Variants in NUDT18 observed in about 807,000 individuals in gnomAD.
NUDT18 encodes 8-oxo-dGDP phosphatase NUDT18.
Under a neutral mutation model 27.6 loss-of-function variants are expected in NUDT18, and 26 were observed. The ratio of observed to expected loss-of-function variants is 0.94; its 90% confidence interval spans 0.69 to 1.31. The LOEUF (loss-of-function observed/expected upper bound fraction) is 1.31, where lower values mean the gene tolerates loss of function less well. Among genes scored for constraint, NUDT18 ranks in the 50% most tolerant of loss-of-function variants. The pLI, the probability that NUDT18 is intolerant of heterozygous loss-of-function variation, is 0.00. For synonymous variants in NUDT18, 220 were observed against 196.9 expected, an observed-to-expected ratio of 1.12 and a Z score of -0.98; for missense variants, 450 against 433.4, an observed-to-expected ratio of 1.04 and a Z score of -0.34.
At position 22,107,597 on chromosome 8, in the gene NUDT18, C is replaced by T; in HGVS notation, c.675G>A (p.Glu225=). Reference sequence around the variant, plus strand: ...CGGCCATCTTCATGCCACCCCTCTGCTCCATAGGGTCGAGGCCACAGGCAG... The same window carrying T: ...CGGCCATCTTCATGCCACCCCTCTGTTCCATAGGGTCGAGGCCACAGGCAG... ...PVTACGLDPM[E]QRGGMKMAVL... The change falls in exon 3 of 3, where the codon GAG becomes GAA. Residue 225 remains glutamate, a synonymous_variant. Coordinates refer to ENST00000611621, the MANE Select transcript of NUDT18 (RefSeq NM_024815.4). The T allele has an allele frequency of 6.2e-7, 1 of 1,613,296 alleles. No homozygotes were observed. The highest frequency in any genetic ancestry group is 8.5e-7 in the Non-Finnish European group (1 of 1,179,890).
chr8:22,108,357 A>G lies in NUDT18; in HGVS notation c.163-11T>C. The G allele has an allele frequency of 8.4e-6, 13 of 1,556,578 alleles. No homozygotes were observed. The highest frequency in any genetic ancestry group is 2.4e-5 in the South Asian group (2 of 84,122). On this transcript the variant is annotated splice_polypyrimidine_tract_variant and intron_variant, in intron 1 of 2. Coordinates refer to ENST00000611621, the MANE Select transcript of NUDT18 (RefSeq NM_024815.4). ...CAGTAGCACCTCATCCTGAGAGGAGAGAGGATCCTCACTTCCTGCCACAGC... is the reference window on the plus strand; with the variant it reads ...CAGTAGCACCTCATCCTGAGAGGAGGGAGGATCCTCACTTCCTGCCACAGC...
chr8:22,107,992 C>A (rs1247534507), intron 2 of NUDT18, 97 bp from the exon 3 acceptor site: 2 of 1,355,378 alleles, frequency 1.5e-6, no homozygotes, highest in Non-Finnish European at 2.0e-6. Context: ...GGAGAGAGGC[C>A]CCCAGCCCAA....
Position 22,107,423 on chromosome 8 carries a change from G to C in NUDT18, c.849C>G (p.Ile283Met). The change falls in exon 3 of 3, where the codon ATC (isoleucine) becomes ATG (methionine). Residue 283 changes from isoleucine (I) to methionine (M), a missense_variant. By Grantham distance (10) the Ile-to-Met change is conservative. Coordinates refer to ENST00000611621, the MANE Select transcript of NUDT18 (RefSeq NM_024815.4). ...LVTVAFRSPG[I>M]QDEPPKVRGE... ...CCCGAACTTTTGGGGGTTCATCCTG[G>C]ATCCCTGGGCTCCGAAAAGCCACGG... 6.2e-7 allele frequency: 1 copy of C among 1,613,340 alleles called. No homozygotes were observed. Among genetic ancestry groups the C allele is most frequent in the Non-Finnish European group, 8.5e-7 (1 of 1,179,852 alleles).
Position 22,107,775 on chromosome 8 carries a change from G to T in NUDT18, c.497C>A (p.Ala166Asp). The T allele has an allele frequency of 6.2e-7, 1 of 1,613,562 alleles. No homozygotes were observed. The highest frequency in any genetic ancestry group is 8.5e-7 in the Non-Finnish European group (1 of 1,179,872). The change falls in exon 3 of 3, where the codon GCC (alanine) becomes GAC (aspartate). Residue 166 changes from alanine (A) to aspartate (D), a missense_variant. Ala to Asp is a moderately radical substitution (Grantham distance 126). Transcript: ENST00000611621. ...CCTGGCTTGCTGGCGATACTGGGCG[G>T]CTAGTTCAACCAGGTGCAGGATGTC... is the stretch of plus-strand genomic sequence containing the variant. ...AHDILHLVEL[A>D]AQYRQQARHP...
At position 22,109,216 on chromosome 8, in the gene NUDT18, C is replaced by A. The variant is rs1270744584; in HGVS notation, c.85G>T (p.Ala29Ser). 20 of 1,441,202 alleles carry A rather than the reference C, an allele frequency of 1.4e-5. No homozygotes were observed. The highest frequency in any genetic ancestry group is 9.0e-7 in the Non-Finnish European group (1 of 1,107,074). 89.3% of individuals were successfully genotyped at this position (1,441,202 alleles called of 1,614,324 possible). A position where few individuals can be genotyped will look rare whatever the true frequency, so the allele number is the denominator to read the frequency against. The change falls in exon 1 of 3, where the codon GCC becomes TCC. Residue 29 changes from alanine to serine, a missense_variant. Transcript: ENST00000611621. The part of the protein sequence containing the change: ...SSVHSCDSAP[A>S]GEPPAPVRLR... ...CGCACGGGCGCCGGCGGCTCCCCGG[C>A]CGGCGCCGAGTCGCAGCTGTGCACG...
At chr8:22,109,431 G>C, upstream of NUDT18, 1 of 839,656 alleles carries the variant, frequency 1.2e-6, no homozygotes, top group Non-Finnish European at 1.7e-6. Flanking sequence ...ACGCGGAAGC[G>C]CACGCGAACG....
rs754510986 is a variant in NUDT18 at position 22,107,545 on chromosome 8, T to C, written c.727A>G (p.Thr243Ala). Residue 243 changes from threonine (T) to alanine (A), a missense_variant, in exon 3 of 3, where the codon ACC becomes GCC. Transcript: ENST00000611621. ...AVLRLLQECL[T>A]LHHLVVEIKG... ...ATCTCCACCACCAAGTGGTGCAGGG[T>C]CAGACACTCCTGCAGCAGCCGCAGG... The C allele has an allele frequency of 1.2e-6, 2 of 1,612,758 alleles. No individual in the cohort carries two copies. The highest frequency in any genetic ancestry group is 1.7e-5 in the Admixed American group (1 of 59,986).
At chr8:22,108,594 G>T (rs1826409591) in intron 1 of NUDT18, among the ~76,000 whole-genome samples, 1 of 152,234 alleles carries the variant, frequency 6.6e-6, no homozygotes, top group African/African-American at 2.4e-5. Context: ...CGCTTCAGGG[G>T]CTGGAGATGA....
upstream of NUDT18, chr8:22,109,639 A>G: frequency 2.1e-6 from 1 of 476,392 alleles, no homozygotes; most frequent in Non-Finnish European, 4.1e-6. Flanking sequence ...GACGTCTCCC[A>G]GCCGCCACCC....
Position 22,109,190 on chromosome 8 carries a change from C to T in NUDT18, c.111G>A (p.Arg37=), listed in dbSNP as rs1415238261. 4 of 1,452,140 alleles carry T rather than the reference C, an allele frequency of 2.8e-6. No homozygotes were observed. The African/African-American group carries it at 6.0e-5, about 22-fold the overall frequency. The allele number at this position is 1,452,140 out of a possible 1,614,324, so 90.0% of individuals were successfully genotyped here. A position where few individuals can be genotyped will look rare whatever the true frequency, so the allele number is the denominator to read the frequency against. The change falls in exon 1 of 3, where the codon CGG becomes CGA. Residue 37 remains arginine, a synonymous_variant. Coordinates refer to ENST00000611621, the MANE Select transcript of NUDT18 (RefSeq NM_024815.4). ...CCACGTAGCACACGTTCTTCCGCAGCCGCACGGGCGCCGGCGGCTCCCCGG... is the reference window on the plus strand; with the variant it reads ...CCACGTAGCACACGTTCTTCCGCAGTCGCACGGGCGCCGGCGGCTCCCCGG... The part of the protein sequence containing the change: ...APAGEPPAPV[R]LRKNVCYVVL...
intron 1 of NUDT18, among the ~76,000 whole-genome samples, chr8:22,108,880 C>T (rs1041574561): frequency 6.6e-6 from 1 of 152,204 alleles, no homozygotes; most frequent in Non-Finnish European, 1.5e-5. Flanking sequence ...TCTGAGGGGC[C>T]CTGGGCACTC....
At position 22,109,381 on chromosome 8, in the gene NUDT18, G is replaced by GCTCCCAGTCCCTGCGGAGCCCA; in HGVS notation, c.-82_-81insTGGGCTCCGCAGGGACTGGGAG. ...CGGGCTAGAGTGCGCTGCGGAGCCC[G>GCTCCCAGTCCCTGCGGAGCCCA]CTCCCAGTCCCTGCGGCAGCGGGCC... On this transcript the variant is annotated 5_prime_UTR_variant, in exon 1 of 3. Transcript: ENST00000611621. 1 of 1,295,286 alleles carries GCTCCCAGTCCCTGCGGAGCCCA rather than the reference G, an allele frequency of 7.7e-7. No homozygotes were observed. 80.2% of individuals were successfully genotyped at this position (1,295,286 alleles called of 1,614,324 possible). A position where few individuals can be genotyped will look rare whatever the true frequency, so the allele number is the denominator to read the frequency against.
Position 22,109,292 on chromosome 8 carries a change from C to T in NUDT18, c.9G>A (p.Ser3=). 1.5e-6 allele frequency: 2 copies of T among 1,367,966 alleles called. No individual in the cohort carries two copies. Among genetic ancestry groups the T allele is most frequent in the Non-Finnish European group, 1.9e-6 (2 of 1,067,832 alleles). The allele number at this position is 1,367,966 out of a possible 1,614,324, so 84.7% of individuals were successfully genotyped here. A position where few individuals can be genotyped will look rare whatever the true frequency, so the allele number is the denominator to read the frequency against. Reference sequence around the variant, plus strand: ...AAGCCAGCGCCCCCGCCAGGCCCTCCGAGGCCATCGGGTCCCCCGGGGGGC... The same window carrying T: ...AAGCCAGCGCCCCCGCCAGGCCCTCTGAGGCCATCGGGTCCCCCGGGGGGC... The part of the protein sequence containing the change: MA[S]EGLAGALASV... Residue 3 remains serine (S), a synonymous_variant, in exon 1 of 3, where the codon TCG becomes TCA. Transcript: ENST00000611621.
At chr8:22,110,095 C>T (rs2131743098), upstream of NUDT18, among the ~76,000 whole-genome samples, 2 of 152,262 alleles carry the variant, frequency 1.3e-5, no homozygotes, top group East Asian at 3.9e-4. Context: ...GGGTCCGGGG[C>T]TGAGAGAAGG....
intron 2 of NUDT18, 69 bp from the exon 3 acceptor site, chr8:22,107,964 A>G (rs1038631524): frequency 1.4e-6 from 2 of 1,407,176 alleles, no homozygotes; most frequent in Non-Finnish European, 9.5e-7. Flanking sequence ...GGCAGAGTCA[A>G]CAGACATCCC....
rs1239129611 is a variant in NUDT18, at chr8:22,107,034, T to G, written c.*266A>C. On this transcript the variant is annotated 3_prime_UTR_variant, in exon 3 of 3. Coordinates refer to ENST00000611621, the MANE Select transcript of NUDT18 (RefSeq NM_024815.4). ...AGATGCCACTGGGGGTGCAGAAAGC[T>G]CCCCATCCCCCTGGGAAGAGGCGTC... is the stretch of plus-strand genomic sequence containing the variant. 1.2e-5 allele frequency: 5 copies of G among 433,762 alleles called. No homozygotes were observed. The highest frequency in any genetic ancestry group is 8.1e-5 in the Admixed American group (2 of 24,668). 26.9% of individuals were successfully genotyped at this position (433,762 alleles called of 1,614,324 possible). A position where few individuals can be genotyped will look rare whatever the true frequency, so the allele number is the denominator to read the frequency against.
rs1826422468 is a variant in NUDT18 at position 22,109,224 on chromosome 8, G to T, written c.77C>A (p.Ser26Ter). 10 of 1,440,706 alleles carry T rather than the reference G, an allele frequency of 6.9e-6. No homozygotes were observed. The highest frequency in any genetic ancestry group is 4.1e-5 in the South Asian group (3 of 72,938). 89.2% of individuals were successfully genotyped at this position (1,440,706 alleles called of 1,614,324 possible). A position where few individuals can be genotyped will look rare whatever the true frequency, so the allele number is the denominator to read the frequency against. Residue 26 changes from serine (S) to a stop codon, truncating the protein, a stop_gained, in exon 1 of 3, where the codon TCG (serine) becomes TAG (stop). Coordinates refer to ENST00000611621, the MANE Select transcript of NUDT18 (RefSeq NM_024815.4). LOFTEE classifies it high-confidence loss of function. ...CGCCGGCGGCTCCCCGGCCGGCGCC[G>T]AGTCGCAGCTGTGCACGCTGGACCC... is the stretch of plus-strand genomic sequence containing the variant. ...GQGSSVHSCD[S>*]APAGEPPAPV...
In NUDT18 at chr8:22,107,000, G is replaced by A. The variant is rs1482586622; in HGVS notation, c.*300C>T. 2 of 363,174 alleles carry A rather than the reference G, an allele frequency of 5.5e-6. No individual in the cohort carries two copies. The highest frequency in any genetic ancestry group is 5.2e-5 in the East Asian group (1 of 19,232). The allele number at this position is 363,174 out of a possible 1,614,324, so 22.5% of individuals were successfully genotyped here. On this transcript the variant is annotated 3_prime_UTR_variant, in exon 3 of 3. Coordinates refer to ENST00000611621, the MANE Select transcript of NUDT18 (RefSeq NM_024815.4). ...GCCTTTCCCAAGGACGGCACAGAAC[G>A]TGATGAGGAGATGCCACTGGGGGTG...
Position 22,107,928 on chromosome 8 carries a change from G to A in NUDT18, c.377-33C>T, listed in dbSNP as rs1204344077. 3 of 1,513,514 alleles carry A rather than the reference G, an allele frequency of 2.0e-6. No homozygotes were observed. The South Asian group carries it at 3.8e-5, about 19-fold the overall frequency. 93.8% of individuals were successfully genotyped at this position (1,513,514 alleles called of 1,614,324 possible). A position where few individuals can be genotyped will look rare whatever the true frequency, so the allele number is the denominator to read the frequency against. On this transcript the variant is annotated intron_variant, in intron 2 of 2. Transcript: ENST00000611621. ...AGATGTGGGGGATGGGGCAGGGAGG[G>A]TCTGTGTGGAGAGAAGTGCAGCTCT...
Sources: allele counts gnomAD v4.1 joint callset (sites outside exome capture counted in the v4.1 genomes callset), GRCh38; gene constraint gnomAD v4.1.1; transcripts MANE v1.5; gene names NCBI Gene and HGNC (gene_info 2026-07-23, HGNC 2026-07-21).